SH3KBP1: variants seen among roughly 807,000 people sequenced by gnomAD.
SH3KBP1 encodes the protein SH3 domain containing kinase binding protein 1.
SH3KBP1 carries 8 observed loss-of-function variants against 50.1 expected under a neutral mutation model. That is an observed-to-expected ratio of 0.16 (90% confidence interval 0.09 to 0.29). SH3KBP1 has a LOEUF of 0.29. SH3KBP1 is among the 10% of genes least tolerant of loss of function. SH3KBP1 has a pLI of 1.00. For synonymous variants in SH3KBP1, 227 were observed against 218.6 expected, an observed-to-expected ratio of 1.04 and a Z score of -0.34; for missense variants, 377 against 535.2, an observed-to-expected ratio of 0.70 and a Z score of 2.92.
chrX:19,679,863 T>C (rs1400760100), intron 6 of SH3KBP1, among the ~76,000 whole-genome samples: 2 of 112,295 alleles, frequency 1.8e-5, no homozygotes, highest in East Asian at 5.6e-4. Flanking sequence ...CACTTGGTGG[T>C]ATTTAAAAGA....
chrX:19,658,400 T>A (rs2062349684), intron 6 of SH3KBP1, among the ~76,000 whole-genome samples: 1 of 111,966 alleles, frequency 8.9e-6, no homozygotes, highest in South Asian at 3.7e-4. Flanking sequence ...TAGCTCTGAC[T>A]TTAGTATCTT....
At chrX:19,673,120 G>A (rs1003422364) in intron 6 of SH3KBP1, among the ~76,000 whole-genome samples, 7 of 108,023 alleles carry the variant, frequency 6.5e-5, no homozygotes, top group Non-Finnish European at 1.1e-4. Context: ...AATGCAAGAC[G>A]TTAACAAGAG....
At chrX:19,604,206 C>T (rs2067174606) in intron 9 of SH3KBP1, among the ~76,000 whole-genome samples, 1 of 111,636 alleles carries the variant, frequency 9.0e-6, no homozygotes, top group Non-Finnish European at 1.9e-5. Flanking sequence ...AATAAACAGA[C>T]AGCCATTGAA....
chrX:19,585,690 CCAGCAGCAG>C (rs760758680), intron 12 of SH3KBP1, among the ~76,000 whole-genome samples: 35 of 108,746 alleles, frequency 3.2e-4, no homozygotes, highest in South Asian at 7.9e-4. Flanking sequence ...ACCACCACTA[CCAGCAGCAG>C]CAGCAGCAGC....
intron 3 of SH3KBP1, among the ~76,000 whole-genome samples, chrX:19,736,051 A>G (rs1476104029): frequency 1.8e-5 from 2 of 111,489 alleles, no homozygotes; most frequent in Admixed American, 9.5e-5. Flanking sequence ...AGCCTAGCAT[A>G]TGGTCCATCC....
chrX:19,649,231 G>A (rs1038500585), intron 6 of SH3KBP1, among the ~76,000 whole-genome samples: 7 of 111,921 alleles, frequency 6.3e-5, no homozygotes, highest in Non-Finnish European at 1.1e-4. Context: ...ATGCACTAAG[G>A]GGCTGTGTTG....
chrX:19,641,062 T>C (rs1024005598), intron 7 of SH3KBP1, among the ~76,000 whole-genome samples: 1 of 111,965 alleles, frequency 8.9e-6, no homozygotes, highest in African/African-American at 3.3e-5. Context: ...CAATAATCTC[T>C]GCTTTTGTTG....
intron 7 of SH3KBP1, among the ~76,000 whole-genome samples, chrX:19,638,408 CAAAAAAA>C (rs59079416): frequency 2.4e-5 from 1 of 42,066 alleles, no homozygotes; most frequent in Non-Finnish European, 4.5e-5. Context: ...GACTCCGTCT[CAAAAAAA>C]AAAAAAAAAA....
At chrX:19,849,755 T>C (rs1018544038) in intron 1 of SH3KBP1, among the ~76,000 whole-genome samples, 2 of 109,165 alleles carry the variant, frequency 1.8e-5, no homozygotes, top group African/African-American at 6.7e-5. Context: ...CAAATCGTGA[T>C]TCAAACAAAC....
In SH3KBP1 at chrX:19,543,847, G is replaced by T. The variant is rs1318156609; in HGVS notation, c.1624-1654C>A. On this transcript the variant is annotated intron_variant, in intron 15 of 17. Coordinates refer to ENST00000397821, the MANE Select transcript of SH3KBP1 (RefSeq NM_031892.3). ...GGACAGTCATGGGCGAGAGAGAAGAGGGGTGCCCAGTAGGCCCCTGGGGGA... is the reference window on the plus strand; with the variant it reads ...GGACAGTCATGGGCGAGAGAGAAGATGGGTGCCCAGTAGGCCCCTGGGGGA... 2.7e-5 allele frequency among the ~76,000 whole-genome samples: 3 copies of T among 111,452 alleles called. No homozygotes were observed. In the East Asian group the frequency reaches 8.5e-4, roughly 32 times the overall value.
intron 5 of SH3KBP1, among the ~76,000 whole-genome samples, chrX:19,685,099 C>T (rs2063136015): frequency 1.8e-5 from 2 of 112,360 alleles, no homozygotes; most frequent in Admixed American, 1.9e-4. Context: ...AGCTCCTGAA[C>T]ATTTACTACA....
At chrX:19,662,584 AAAGT>A (rs766292188) in intron 6 of SH3KBP1, among the ~76,000 whole-genome samples, 26 of 111,873 alleles carry the variant, frequency 2.3e-4, no homozygotes, top group Admixed American at 6.7e-4. Flanking sequence ...AACACAAATC[AAAGT>A]AATTACAGTT....
At chrX:19,722,569 G>GGTGTGTGTGTGTGTGTGTGT (rs55675573) in intron 3 of SH3KBP1, among the ~76,000 whole-genome samples, 2 of 84,259 alleles carry the variant, frequency 2.4e-5, no homozygotes, top group African/African-American at 9.2e-5. Flanking sequence ...CGTGCGCACT[G>GGTGTGTGTGTGTGTGTGTGT]GTGTGTGTGT....
intron 2 of SH3KBP1, among the ~76,000 whole-genome samples, chrX:19,774,698 G>GAAAGAA (rs1358457859): frequency 1.0e-5 from 1 of 99,469 alleles, no homozygotes; most frequent in African/African-American, 4.3e-5. Context: ...AAGAAAGAAA[G>GAAAGAA]AAAGAAAGAA....
At chrX:19,578,189 G>A (rs1404290084) in intron 12 of SH3KBP1, among the ~76,000 whole-genome samples, 4 of 111,661 alleles carry the variant, frequency 3.6e-5, no homozygotes, top group African/African-American at 9.8e-5. Flanking sequence ...TGGGGTACAC[G>A]TGATTTTTGG....
chrX:19,773,583 G>A (rs2065859338), intron 2 of SH3KBP1, among the ~76,000 whole-genome samples: 4 of 109,284 alleles, frequency 3.7e-5, no homozygotes, highest in South Asian at 7.9e-4. Context: ...TCAGCCAGGC[G>A]CAGCGGCTCA....
At chrX:19,613,926 A>G (rs1247697735) in intron 8 of SH3KBP1, among the ~76,000 whole-genome samples, 1 of 112,968 alleles carries the variant, frequency 8.9e-6, no homozygotes, top group Non-Finnish European at 1.9e-5. Flanking sequence ...CAAAGTATAA[A>G]GAGTGACACA....
intron 3 of SH3KBP1, among the ~76,000 whole-genome samples, chrX:19,708,090 T>C (rs1771087364): frequency 8.8e-6 from 1 of 112,995 alleles, no homozygotes. Context: ...TTCTCTAATC[T>C]TTTCTCTGAG....
chrX:19,734,737 G>A (rs2064489467), intron 3 of SH3KBP1, among the ~76,000 whole-genome samples: 1 of 111,684 alleles, frequency 9.0e-6, no homozygotes, highest in South Asian at 3.7e-4. Context: ...CTATCTCTAG[G>A]GATTTGCTTA....
Sources: gnomAD v4.1 joint callset for allele counts (sites outside exome capture counted in the v4.1 genomes callset) on GRCh38, gnomAD v4.1.1 for gene constraint, MANE v1.5 for transcripts, NCBI Gene and HGNC (gene_info 2026-07-23, HGNC 2026-07-21) for gene names.